Variants in CCL28 observed in about 807,000 individuals in gnomAD.
CCL28 encodes the protein C-C motif chemokine 28.
CCL28 carries 4 observed loss-of-function variants against 7.1 expected under a neutral mutation model. That is an observed-to-expected ratio of 0.56 (90% CI 0.28 to 1.29). The LOEUF is 1.29. CCL28 is among the 50% of genes most tolerant of loss of function. The pLI is 0.11. For missense variants in CCL28, 151 were observed against 163.4 expected (o/e 0.92, Z 0.41); for synonymous variants, 55 against 57.8 (o/e 0.95, Z 0.22).
At chr5:43,382,521 C>T (rs566968385) in intron 2 of CCL28, among the ~76,000 whole-genome samples, 10 of 152,266 alleles carry the variant, frequency 6.6e-5, no homozygotes, top group African/African-American at 2.4e-4. Flanking sequence ...CGTCTTTTTT[C>T]CCCTCTGATT....
At chr5:43,408,186 A>G (rs1339605839) in intron 1 of CCL28, among the ~76,000 whole-genome samples, 1 of 152,248 alleles carries the variant, frequency 6.6e-6, no homozygotes, top group Non-Finnish European at 1.5e-5. Context: ...AGACACATGC[A>G]CATGTATGTT....
chr5:43,377,717 C>CTATTTTTTTTT (rs1739937800), downstream of CCL28, among the ~76,000 whole-genome samples: 1 of 42,708 alleles, frequency 2.3e-5, no homozygotes, highest in African/African-American at 1.2e-4. Flanking sequence ...AGAACTTAAA[C>CTATTTTTTTTT]TTTTTTTTTT....
At chr5:43,395,545 G>A (rs1740762112) in intron 1 of CCL28, among the ~76,000 whole-genome samples, 1 of 151,974 alleles carries the variant, frequency 6.6e-6, no homozygotes, top group South Asian at 2.1e-4. Flanking sequence ...AGGCGTTGTG[G>A]CCCACCTACT....
chr5:43,408,893 CTT>C (rs35098260), intron 1 of CCL28, among the ~76,000 whole-genome samples: 4 of 141,878 alleles, frequency 2.8e-5, no homozygotes, highest in East Asian at 2.0e-4. Flanking sequence ...TAATTTTTTA[CTT>C]TTTTTTTTTT....
In CCL28 at chr5:43,394,840, C is replaced by T. The variant is rs559897763; in HGVS notation, c.65-6364G>A. Among the ~76,000 whole-genome samples, 26 of 152,042 alleles carry T rather than the reference C, an allele frequency of 1.7e-4. No homozygotes were observed. The South Asian group carries it at 3.3e-3, about 19-fold the overall frequency. ...GCCCATTGAAAGTTTTAAATTGCTG[C>T]GGTGGATTAATCTATTTTCTTCCTT... On this transcript the variant is annotated intron_variant, in intron 1 of 2. Coordinates refer to ENST00000361115, the MANE Select transcript of CCL28 (RefSeq NM_148672.3).
chr5:43,412,209 C>T, intron 1 of CCL28, 44 bp downstream of exon 1: 3 of 1,528,258 alleles, frequency 2.0e-6, no homozygotes, highest in Non-Finnish European at 2.7e-6. Context: ...TGGGAGATAC[C>T]CCCCTTTCCA....
At chr5:43,390,652 G>T (rs1188290808) in intron 1 of CCL28, among the ~76,000 whole-genome samples, 1 of 152,234 alleles carries the variant, frequency 6.6e-6, no homozygotes, top group Non-Finnish European at 1.5e-5. Context: ...CAGAGCAGCT[G>T]CCCAACAGAG....
chr5:43,370,996 C>T, the CCL28 span, among the ~76,000 whole-genome samples: 1 of 152,334 alleles, frequency 6.6e-6, no homozygotes, highest in East Asian at 1.9e-4. Flanking sequence ...CCCCCTTTGG[C>T]CTCCCAAAGT....
Position 43,388,351 on chromosome 5 carries a change from T to TG in CCL28, c.189dup (p.Ile64HisfsTer19). ...ACCTCCCGGCTGATGAGCACTCACA[T>TG]GACAGCAGCCAAGTCACAATCCCCA... On this transcript the variant is annotated frameshift_variant and splice_region_variant, in exon 2 of 3. Coordinates refer to ENST00000361115, the MANE Select transcript of CCL28 (RefSeq NM_148672.3). LOFTEE classifies it low-confidence loss of function (END_TRUNC). The TG allele has an allele frequency of 6.2e-7, 1 of 1,614,112 alleles. No homozygotes were observed.
At chr5:43,405,326 C>T (rs1741228600) in intron 1 of CCL28, among the ~76,000 whole-genome samples, 1 of 152,196 alleles carries the variant, frequency 6.6e-6, no homozygotes, top group Admixed American at 6.5e-5. Flanking sequence ...CAAACTAGAA[C>T]TCAGGATTAA....
At chr5:43,403,918 GATGAA>G (rs1741154859) in intron 1 of CCL28, among the ~76,000 whole-genome samples, 1 of 152,162 alleles carries the variant, frequency 6.6e-6, no homozygotes, top group African/African-American at 2.4e-5. Flanking sequence ...GGTGATGGAA[GATGAA>G]ATGAATGAAA....
chr5:43,364,117 G>A, the CCL28 span, among the ~76,000 whole-genome samples: 4 of 152,272 alleles, frequency 2.6e-5, no homozygotes, highest in East Asian at 7.7e-4. Flanking sequence ...TTTTTAAAAA[G>A]TGAAAGCAAG....
chr5:43,390,262 C>T (rs1740521381), intron 1 of CCL28, among the ~76,000 whole-genome samples: 2 of 152,114 alleles, frequency 1.3e-5, no homozygotes, highest in African/African-American at 2.4e-5. Flanking sequence ...GCTTATGTTC[C>T]AGAATTGGAG....
chr5:43,374,768 G>A (rs1739851507), downstream of CCL28, among the ~76,000 whole-genome samples: 1 of 133,146 alleles, frequency 7.5e-6, no homozygotes, highest in Non-Finnish European at 1.6e-5. Flanking sequence ...GCGACAGAGT[G>A]AGACTCTGTC....
chr5:43,375,722 T>C (rs1739876842), downstream of CCL28, among the ~76,000 whole-genome samples: 1 of 152,230 alleles, frequency 6.6e-6, no homozygotes, highest in Non-Finnish European at 1.5e-5. Context: ...CCGGGGATGG[T>C]GGCTCATGCC....
intron 1 of CCL28, among the ~76,000 whole-genome samples, chr5:43,402,585 C>T (rs1741081462): frequency 6.6e-6 from 1 of 152,212 alleles, no homozygotes; most frequent in South Asian, 2.1e-4. Flanking sequence ...CAGTCTACAG[C>T]TCCCAGCGTG....
At chr5:43,373,290 T>C (rs1475616218), downstream of CCL28, among the ~76,000 whole-genome samples, 2 of 151,980 alleles carry the variant, frequency 1.3e-5, no homozygotes, top group Admixed American at 6.6e-5. Flanking sequence ...ACATCCTTAC[T>C]AACGCTTGAT....
intron 1 of CCL28, among the ~76,000 whole-genome samples, chr5:43,403,192 G>C (rs1235659932): frequency 6.6e-6 from 1 of 152,216 alleles, no homozygotes; most frequent in Non-Finnish European, 1.5e-5. Context: ...TTTGAGATCT[G>C]AGAATGGACA....
chr5:43,370,161 C>T, the CCL28 span, among the ~76,000 whole-genome samples: 1 of 152,316 alleles, frequency 6.6e-6, no homozygotes, highest in Non-Finnish European at 1.5e-5. Context: ...AACTGAGCCC[C>T]AGCTAACCCA....
Sources: allele counts gnomAD v4.1 joint callset (sites outside exome capture counted in the v4.1 genomes callset), GRCh38; gene constraint gnomAD v4.1.1; transcripts MANE v1.5; gene names NCBI Gene and HGNC (gene_info 2026-07-23, HGNC 2026-07-21).